The following FYB1 variants were observed in gnomAD, a reference collection of about 807,000 sequenced individuals.
The protein encoded by FYB1 is FYN-binding protein 1.
Under a neutral mutation model 94.1 loss-of-function variants are expected in FYB1, and 41 were observed. That is an observed-to-expected ratio of 0.44 (90% CI 0.34 to 0.57). FYB1 has a LOEUF of 0.57. FYB1 is among the 20% of genes least tolerant of loss of function. The pLI, the probability that FYB1 is intolerant of heterozygous loss-of-function variation, is 0.02. For missense variants in FYB1, 1,050 were observed against 976.8 expected (o/e 1.07, Z -1.00); for synonymous variants, 367 against 353.2 (o/e 1.04, Z -0.44).
At chr5:39,176,401 C>T (rs1461866067) in intron 2 of FYB1, among the ~76,000 whole-genome samples, 4 of 151,950 alleles carry the variant, frequency 2.6e-5, no homozygotes, top group Admixed American at 6.6e-5. Context: ...TCACTCGCTT[C>T]GGCCTTCCAA....
rs534769370 is a variant in FYB1, at chr5:39,186,827, C to T, written c.1135+14999G>A. Reference sequence around the variant, plus strand: ...TTATGATGTACTAGGAACTGTGCTACGTGTTTTTACTACATTTCCTTTTAA... The same window carrying T: ...TTATGATGTACTAGGAACTGTGCTATGTGTTTTTACTACATTTCCTTTTAA... On this transcript the variant is annotated intron_variant, in intron 2 of 18. Coordinates refer to ENST00000512982, the MANE Select transcript of FYB1 (RefSeq NM_001465.6). Among the ~76,000 whole-genome samples the T allele has an allele frequency of 9.9e-5, 15 of 152,010 alleles. No individual in the cohort carries two copies. In the South Asian group the frequency reaches 1.0e-3, roughly 11 times the overall value.
intron 1 of FYB1, among the ~76,000 whole-genome samples, chr5:39,253,264 T>A (rs935977280): frequency 6.6e-6 from 1 of 152,190 alleles, no homozygotes; most frequent in African/African-American, 2.4e-5. Flanking sequence ...TTGAAGTAGA[T>A]ATATTAAAGA....
chr5:39,219,796 C>T (rs75605384), upstream of FYB1, among the ~76,000 whole-genome samples: 993 of 152,316 alleles, frequency 6.5e-3, 14 homozygotes, highest in African/African-American at 0.023. Flanking sequence ...CAAGATTCTC[C>T]TGCCTGCCAC....
chr5:39,230,730 G>T (rs1750687657), intron 1 of FYB1, among the ~76,000 whole-genome samples: 1 of 151,682 alleles, frequency 6.6e-6, no homozygotes, highest in East Asian at 1.9e-4. Context: ...CCGTTCAAAG[G>T]CATTATCCAC....
intron 3 of FYB1, among the ~76,000 whole-genome samples, chr5:39,144,823 A>T (rs1168226829): frequency 6.6e-6 from 1 of 152,150 alleles, no homozygotes; most frequent in Non-Finnish European, 1.5e-5. Flanking sequence ...AAAAAACAAC[A>T]ACAAAATACA....
intron 1 of FYB1, among the ~76,000 whole-genome samples, chr5:39,241,686 A>C (rs1751212060): frequency 6.6e-6 from 1 of 152,168 alleles, no homozygotes; most frequent in Non-Finnish European, 1.5e-5. Flanking sequence ...TGTGTCCTGC[A>C]CAACCGTAAG....
At chr5:39,120,723 A>G (rs1307740530) in intron 14 of FYB1, among the ~76,000 whole-genome samples, 1 of 152,106 alleles carries the variant, frequency 6.6e-6, no homozygotes, top group Non-Finnish European at 1.5e-5. Flanking sequence ...TATTTAGATG[A>G]TCTAAGATAA....
upstream of FYB1, among the ~76,000 whole-genome samples, chr5:39,222,748 CT>C (rs1257167808): frequency 3.3e-5 from 5 of 152,056 alleles, no homozygotes; most frequent in Non-Finnish European, 7.4e-5. Flanking sequence ...TTATTTTGAG[CT>C]TTTCTTATTA....
At chr5:39,236,224 A>G (rs1284772794) in intron 1 of FYB1, among the ~76,000 whole-genome samples, 1 of 152,094 alleles carries the variant, frequency 6.6e-6, no homozygotes, top group African/African-American at 2.4e-5. Flanking sequence ...GATAAATATG[A>G]AAATAATCAC....
intron 7 of FYB1, 91 bp downstream of exon 7, chr5:39,137,509 C>A: frequency 1.4e-6 from 2 of 1,408,620 alleles, no homozygotes; most frequent in Non-Finnish European, 9.4e-7. Context: ...AGTAATTCTT[C>A]AACTATGTAA....
At chr5:39,264,386 C>A (rs567917016) in intron 1 of FYB1, among the ~76,000 whole-genome samples, 1 of 152,246 alleles carries the variant, frequency 6.6e-6, no homozygotes, top group Non-Finnish European at 1.5e-5. Flanking sequence ...CTTTGTAGCC[C>A]GCAAAACTGT....
chr5:39,127,059 CAAAAAAAAAA>C (rs200980181), intron 11 of FYB1, among the ~76,000 whole-genome samples: 2 of 77,492 alleles, frequency 2.6e-5, no homozygotes, highest in Non-Finnish European at 5.4e-5. Context: ...ACTCAGGTCT[CAAAAAAAAAA>C]AAAAAAAAAA....
chr5:39,144,324 C>G (rs1742449035), intron 3 of FYB1, among the ~76,000 whole-genome samples: 1 of 152,166 alleles, frequency 6.6e-6, no homozygotes, highest in Non-Finnish European at 1.5e-5. Flanking sequence ...ATCCAGCCAC[C>G]TCTACCTCTC....
At chr5:39,188,778 C>T (rs1339661329) in intron 2 of FYB1, among the ~76,000 whole-genome samples, 1 of 151,982 alleles carries the variant, frequency 6.6e-6, no homozygotes, top group East Asian at 1.9e-4. Context: ...GGTAATCCGC[C>T]CGTCTCAGCC....
At position 39,106,763 on chromosome 5, in the gene FYB1, C is replaced by A. The variant is rs1189246108; in HGVS notation, c.*680G>T. ...AGTATGTGAATCTGCAAAAAGAGAA[C>A]TTGTTTTAGACTCTTCTACAGTTTA... On this transcript the variant is annotated 3_prime_UTR_variant, in exon 19 of 19. Coordinates refer to ENST00000512982, the MANE Select transcript of FYB1 (RefSeq NM_001465.6). 1.3e-5 allele frequency: 2 copies of A among 152,020 alleles called. No individual in the cohort carries two copies. The highest frequency in any genetic ancestry group is 4.8e-5 in the African/African-American group (2 of 41,432). The allele number at this position is 152,020 out of a possible 1,614,324, so 9.4% of individuals were successfully genotyped here. A position where few individuals can be genotyped will look rare whatever the true frequency, so the allele number is the denominator to read the frequency against.
chr5:39,188,128 C>T (rs2150448440), intron 2 of FYB1, among the ~76,000 whole-genome samples: 1 of 152,196 alleles, frequency 6.6e-6, no homozygotes, highest in East Asian at 1.9e-4. Flanking sequence ...TCCAAAGGCC[C>T]CGATATCCCT....
At chr5:39,160,687 G>A (rs1744165114) in intron 2 of FYB1, among the ~76,000 whole-genome samples, 2 of 152,084 alleles carry the variant, frequency 1.3e-5, no homozygotes, top group Admixed American at 1.3e-4. Context: ...TATTAAAATG[G>A]GACTACTGAC....
Position 39,107,364 on chromosome 5 carries a change from A to C in FYB1, c.*79T>G, listed in dbSNP as rs1356803934. The C allele has an allele frequency of 1.5e-5, 14 of 952,638 alleles. No individual in the cohort carries two copies. The highest frequency in any genetic ancestry group is 2.1e-5 in the Non-Finnish European group (14 of 657,766). The allele number at this position is 952,638 out of a possible 1,614,324, so 59.0% of individuals were successfully genotyped here. On this transcript the variant is annotated 3_prime_UTR_variant, in exon 19 of 19. Coordinates refer to ENST00000512982, the MANE Select transcript of FYB1 (RefSeq NM_001465.6). ...GTGGTTTTGTGCATTAATTTTCTTG[A>C]TACCCAATAACATGCCAATTAAAAT...
Position 39,141,106 on chromosome 5 carries a change from G to A in FYB1, c.1328C>T (p.Thr443Met), listed in dbSNP as rs377709694. 3.3e-5 allele frequency: 53 copies of A among 1,589,516 alleles called. No individual in the cohort carries two copies. The African/African-American group carries it at 4.0e-4, about 12-fold the overall frequency. The change falls in exon 4 of 19, where the codon ACG becomes ATG. Residue 443 changes from threonine (T) to methionine (M), a missense_variant. Coordinates refer to ENST00000512982, the MANE Select transcript of FYB1 (RefSeq NM_001465.6). The stretch of plus-strand genomic sequence containing the variant: ...TTTTTGTCGTTTACCATCAGAGTGC[G>A]TGACACCATCTTGATTGTCTTCATT... ...PVNEDNQDGV[T>M]HSDGAGNLDE... is the part of the protein sequence containing the mutation.
Sources: gnomAD v4.1 joint callset for allele counts (sites outside exome capture counted in the v4.1 genomes callset) on GRCh38, gnomAD v4.1.1 for gene constraint, MANE v1.5 for transcripts, NCBI Gene and HGNC (gene_info 2026-07-23, HGNC 2026-07-21) for gene names.